RIMS1: variants seen among roughly 807,000 people sequenced by gnomAD.
The protein encoded by RIMS1 is regulating synaptic membrane exocytosis 1.
In RIMS1, 83 loss-of-function variants were observed where a neutral mutation model predicts 214.1. The ratio of observed to expected loss-of-function variants is 0.39; its 90% CI spans 0.32 to 0.47. The LOEUF (loss-of-function observed/expected upper bound fraction) is 0.47. Ranked by LOEUF, RIMS1 falls within the 20% of genes least tolerant of loss-of-function variation. RIMS1 has a pLI of 0.99. For synonymous variants in RIMS1, 793 were observed against 786.8 expected (o/e 1.01, Z -0.13); for missense variants, 2,050 against 2,161.8 (o/e 0.95, Z 1.03).
At chr6:72,003,891 T>C (rs992693284) in intron 2 of RIMS1, among the ~76,000 whole-genome samples, 2 of 151,986 alleles carry the variant, frequency 1.3e-5, no homozygotes, top group Non-Finnish European at 2.9e-5. Context: ...TATTATACTT[T>C]AAGTTTTAGG....
chr6:72,011,388 C>G (rs957642889), intron 2 of RIMS1, among the ~76,000 whole-genome samples: 1 of 152,128 alleles, frequency 6.6e-6, no homozygotes, highest in Non-Finnish European at 1.5e-5. Context: ...AGAAGAAAAC[C>G]TAGGCAATAC....
chr6:72,257,153 A>T (rs2076195857), intron 16 of RIMS1, among the ~76,000 whole-genome samples: 1 of 151,888 alleles, frequency 6.6e-6, no homozygotes, highest in African/African-American at 2.4e-5. Context: ...AGTTAAATTT[A>T]ACATATTTAT....
At chr6:71,903,301 A>G (rs1184071191) in intron 1 of RIMS1, among the ~76,000 whole-genome samples, 1 of 152,072 alleles carries the variant, frequency 6.6e-6, no homozygotes, top group Middle Eastern at 3.2e-3. Flanking sequence ...TTTTTATCAT[A>G]TGTTGATTGG....
At chr6:72,380,065 C>A (rs773806996) in intron 29 of RIMS1, among the ~76,000 whole-genome samples, 4 of 152,078 alleles carry the variant, frequency 2.6e-5, no homozygotes, top group Non-Finnish European at 4.4e-5. Context: ...ATACTTGCAG[C>A]CATATAAAAG....
intron 15 of RIMS1, among the ~76,000 whole-genome samples, chr6:72,252,168 T>A (rs1192123923): frequency 6.6e-6 from 1 of 152,224 alleles, no homozygotes; most frequent in Non-Finnish European, 1.5e-5. Flanking sequence ...AGTTAACAGC[T>A]GAAAGAAGCC....
chr6:72,094,867 ATATT>A (rs529570549), intron 2 of RIMS1, among the ~76,000 whole-genome samples: 253 of 151,974 alleles, frequency 1.7e-3, no homozygotes, highest in Admixed American at 2.9e-3. Context: ...CTCACAATAA[ATATT>A]TATTTATGTA....
At chr6:72,018,490 G>A (rs754319132) in intron 2 of RIMS1, among the ~76,000 whole-genome samples, 22 of 152,152 alleles carry the variant, frequency 1.4e-4, no homozygotes, top group Non-Finnish European at 2.6e-4. Context: ...CATAGATGGA[G>A]TTATAGAATA....
At chr6:72,237,681 A>AC (rs1460117513) in intron 8 of RIMS1, 142 bp from the exon 9 acceptor site, 1 of 655,726 alleles carries the variant, frequency 1.5e-6, no homozygotes, top group Non-Finnish European at 2.6e-6. Context: ...ATCTCAAAAA[A>AC]AAAAAAAAAG....
At chr6:71,960,493 G>A (rs770097279) in intron 1 of RIMS1, among the ~76,000 whole-genome samples, 1 of 152,098 alleles carries the variant, frequency 6.6e-6, no homozygotes, top group Non-Finnish European at 1.5e-5. Flanking sequence ...TAAAATGACT[G>A]GGACTTTTGT....
intron 6 of RIMS1, among the ~76,000 whole-genome samples, chr6:72,211,745 A>G (rs1418327018): frequency 6.6e-6 from 1 of 152,114 alleles, no homozygotes; most frequent in Non-Finnish European, 1.5e-5. Context: ...CTAAGATATT[A>G]TATGTGATCA....
chr6:72,278,474 A>G (rs1041934993), intron 23 of RIMS1, among the ~76,000 whole-genome samples: 5 of 152,096 alleles, frequency 3.3e-5, no homozygotes, highest in African/African-American at 1.2e-4. Context: ...AAATGAATTA[A>G]TCTTATTTCT....
chr6:72,120,693 T>C (rs2038092037), intron 4 of RIMS1, among the ~76,000 whole-genome samples: 2 of 151,864 alleles, frequency 1.3e-5, no homozygotes, highest in South Asian at 4.1e-4. Context: ...TTTGTTGCCA[T>C]TGCTTTTGGT....
chr6:72,309,215 A>G (rs1365269799), intron 27 of RIMS1, among the ~76,000 whole-genome samples: 1 of 152,136 alleles, frequency 6.6e-6, no homozygotes, highest in Non-Finnish European at 1.5e-5. Flanking sequence ...CAAAAAATCG[A>G]CAAAATGAAG....
chr6:72,368,455 A>T (rs1390966250), intron 29 of RIMS1, among the ~76,000 whole-genome samples: 1 of 146,598 alleles, frequency 6.8e-6, no homozygotes, highest in Non-Finnish European at 1.5e-5. Context: ...CGCCCAGATA[A>T]TTTTTTTTTT....
At chr6:72,120,387 C>G (rs1587487096) in intron 4 of RIMS1, among the ~76,000 whole-genome samples, 1 of 151,948 alleles carries the variant, frequency 6.6e-6, no homozygotes, top group East Asian at 1.9e-4. Context: ...TTTTGATTTG[C>G]ATTTCTCTGA....
At chr6:72,368,234 T>C in intron 29 of RIMS1, among the ~76,000 whole-genome samples, 1 of 151,916 alleles carries the variant, frequency 6.6e-6, no homozygotes, top group South Asian at 2.1e-4. Context: ...AGTTTCTTTT[T>C]TCCCCCTTAT....
At chr6:72,094,504 T>C (rs543209070) in intron 2 of RIMS1, among the ~76,000 whole-genome samples, 1 of 152,328 alleles carries the variant, frequency 6.6e-6, no homozygotes, top group East Asian at 1.9e-4. Context: ...CAAGCCATTA[T>C]ATCTTAGCAT....
intron 4 of RIMS1, among the ~76,000 whole-genome samples, chr6:72,157,372 C>T (rs2496558): frequency 0.6 from 83,855 of 138,868 alleles, 31,160 homozygotes; most frequent in East Asian, 0.98. Context: ...TATGTTCTGT[C>T]AGTTACAGAT....
intron 2 of RIMS1, among the ~76,000 whole-genome samples, chr6:71,979,213 G>GTGTGTA (rs1016176013): frequency 2.6e-5 from 4 of 152,132 alleles, no homozygotes; most frequent in South Asian, 2.1e-4. Flanking sequence ...GTATATGTGT[G>GTGTGTA]TGTGTATGTG....
Sources: allele counts gnomAD v4.1 joint callset (sites outside exome capture counted in the v4.1 genomes callset), GRCh38; gene constraint gnomAD v4.1.1; transcripts MANE v1.5; gene names NCBI Gene and HGNC (gene_info 2026-07-23, HGNC 2026-07-21).